SCFD2: variants seen among roughly 807,000 people sequenced by gnomAD.
The protein encoded by SCFD2 is sec1 family domain containing 2.
A neutral mutation model predicts 58.9 loss-of-function variants in SCFD2; 54 were observed. That is an observed-to-expected ratio of 0.92 (90% CI 0.74 to 1.15). SCFD2 has a LOEUF of 1.15. Among genes scored for constraint, SCFD2 ranks in the 50% most tolerant of loss-of-function variants. SCFD2 has a pLI of 0.00. For missense variants in SCFD2, 805 were observed against 836.6 expected (o/e 0.96, Z 0.47); for synonymous variants, 321 against 335.9 (o/e 0.96, Z 0.49).
intron 3 of SCFD2, among the ~76,000 whole-genome samples, chr4:53,277,773 C>T (rs1362896426): frequency 1.3e-5 from 2 of 152,228 alleles, no homozygotes; most frequent in African/African-American, 4.8e-5. Flanking sequence ...ACAGTCCAGG[C>T]TCGGCGCGGT....
At chr4:53,159,216 T>C (rs1015982297) in intron 4 of SCFD2, among the ~76,000 whole-genome samples, 12 of 152,210 alleles carry the variant, frequency 7.9e-5, no homozygotes, top group African/African-American at 2.9e-4. Flanking sequence ...AAAGATATAA[T>C]TGTAGATTAT....
chr4:52,979,330 AG>A (rs1721325027), intron 5 of SCFD2, among the ~76,000 whole-genome samples: 1 of 152,140 alleles, frequency 6.6e-6, no homozygotes, highest in Admixed American at 6.5e-5. Context: ...CTTTACAAAA[AG>A]ATCCATATAC....
intron 5 of SCFD2, among the ~76,000 whole-genome samples, chr4:53,056,843 T>C (rs1219752826): frequency 6.6e-6 from 1 of 151,772 alleles, no homozygotes; most frequent in African/African-American, 2.4e-5. Context: ...GGAAGAGTAA[T>C]AATGAGGAAG....
intron 4 of SCFD2, among the ~76,000 whole-genome samples, chr4:53,219,813 T>C (rs1728994059): frequency 6.6e-6 from 1 of 152,188 alleles, no homozygotes; most frequent in Non-Finnish European, 1.5e-5. Flanking sequence ...TGCTTAACAT[T>C]ATTTTAAGAT....
chr4:53,313,787 C>G, intron 2 of SCFD2, 24 bp from the exon 3 acceptor site: 1 of 1,612,736 alleles, frequency 6.2e-7, no homozygotes, highest in South Asian at 1.1e-5. Context: ...ACAAAAAGAG[C>G]TTTAGAATAA....
At chr4:53,127,968 A>G (rs1725678626) in intron 5 of SCFD2, among the ~76,000 whole-genome samples, 1 of 138,920 alleles carries the variant, frequency 7.2e-6, no homozygotes, top group Admixed American at 7.4e-5. Flanking sequence ...TAGCCCAATC[A>G]TGTGCATTTT....
chr4:53,301,619 A>G (rs369673661), intron 3 of SCFD2, among the ~76,000 whole-genome samples: 3 of 152,132 alleles, frequency 2.0e-5, no homozygotes, highest in East Asian at 1.9e-4. Flanking sequence ...GCATCATCCT[A>G]ATACCAAAGC....
intron 5 of SCFD2, among the ~76,000 whole-genome samples, chr4:53,113,206 T>A (rs112140566): frequency 0.013 from 1,924 of 152,204 alleles, 12 homozygotes; most frequent in Middle Eastern, 0.051. Context: ...TTAGTGCCAC[T>A]CCTCAAATAT....
chr4:52,944,418 A>G (rs1347557046), intron 5 of SCFD2, among the ~76,000 whole-genome samples: 1 of 152,212 alleles, frequency 6.6e-6, no homozygotes, highest in Non-Finnish European at 1.5e-5. Context: ...TTAAGAGAAG[A>G]ACCATGACAA....
In SCFD2 at chr4:53,301,527, G is replaced by A. The variant is rs188378292; in HGVS notation, c.1135+12109C>T. 6.5e-3 allele frequency among the ~76,000 whole-genome samples: 985 copies of A among 152,214 alleles called. 4 individuals carry two copies. The highest frequency in any genetic ancestry group is 0.031 in the Middle Eastern group (9 of 294). ...AGCCGAATTCTACCAGAGGTACAAG[G>A]AGGAACTGGTACCATTCCTTCTGAA... On this transcript the variant is annotated intron_variant, in intron 3 of 8. Transcript: ENST00000401642.
At chr4:53,185,256 G>T (rs74684703) in intron 4 of SCFD2, among the ~76,000 whole-genome samples, 118 of 152,180 alleles carry the variant, frequency 7.8e-4, no homozygotes, top group Non-Finnish European at 1.3e-3. Context: ...CCCTTAGGTT[G>T]TAGTAAACCA....
chr4:52,899,079 C>G (rs1038837178), intron 7 of SCFD2, among the ~76,000 whole-genome samples: 7 of 152,206 alleles, frequency 4.6e-5, no homozygotes, highest in African/African-American at 9.7e-5. Context: ...ATACAGCACA[C>G]TGATGGGTCT....
chr4:53,154,575 T>A (rs1726608368), intron 4 of SCFD2, among the ~76,000 whole-genome samples: 1 of 152,104 alleles, frequency 6.6e-6, no homozygotes, highest in South Asian at 2.1e-4. Context: ...CCAAACTATA[T>A]CATCCTCCAA....
At chr4:53,298,086 C>A (rs1444554438) in intron 3 of SCFD2, among the ~76,000 whole-genome samples, 1 of 152,062 alleles carries the variant, frequency 6.6e-6, no homozygotes, top group Non-Finnish European at 1.5e-5. Context: ...TGGGGAGTGC[C>A]GGACAGTGGG....
At chr4:53,305,702 A>G (rs536301612) in intron 3 of SCFD2, among the ~76,000 whole-genome samples, 20 of 152,266 alleles carry the variant, frequency 1.3e-4, no homozygotes, top group African/African-American at 4.1e-4. Flanking sequence ...CTTTTCTAAC[A>G]CGTTGTTTTG....
At chr4:52,894,051 T>C (rs1044013471) in intron 7 of SCFD2, among the ~76,000 whole-genome samples, 3 of 152,226 alleles carry the variant, frequency 2.0e-5, no homozygotes, top group African/African-American at 7.2e-5. Flanking sequence ...ACCTGAGCTT[T>C]GAAACTACCT....
At chr4:53,071,156 G>A (rs943282250) in intron 5 of SCFD2, among the ~76,000 whole-genome samples, 2 of 152,114 alleles carry the variant, frequency 1.3e-5, no homozygotes, top group Non-Finnish European at 2.9e-5. Context: ...GCTGAACTAT[G>A]AGAAGGAAGC....
intron 4 of SCFD2, among the ~76,000 whole-genome samples, chr4:53,241,771 C>A (rs1281204581): frequency 6.6e-6 from 1 of 152,222 alleles, no homozygotes; most frequent in East Asian, 1.9e-4. Flanking sequence ...TCCTGCTGCA[C>A]CACCATTGTT....
intron 5 of SCFD2, among the ~76,000 whole-genome samples, chr4:53,111,711 A>C (rs775634290): frequency 2.6e-5 from 4 of 152,150 alleles, no homozygotes; most frequent in Non-Finnish European, 5.9e-5. Context: ...TCATATTTGA[A>C]TATATAGAGT....
Sources: gnomAD v4.1 joint callset for allele counts (sites outside exome capture counted in the v4.1 genomes callset) on GRCh38, gnomAD v4.1.1 for gene constraint, MANE v1.5 for transcripts, NCBI Gene and HGNC (gene_info 2026-07-23, HGNC 2026-07-21) for gene names.